The following MYZAP variants were observed in gnomAD, a reference collection of about 807,000 sequenced individuals.
MYZAP encodes GRINL1A complex locus upstream.
MYZAP carries 66 observed loss-of-function variants against 69.4 expected under a neutral mutation model. That is an observed-to-expected ratio of 0.95 (90% CI 0.78 to 1.17). The LOEUF (loss-of-function observed/expected upper bound fraction) is 1.17, where lower values mean the gene tolerates loss of function less well. MYZAP is among the 50% of genes most tolerant of loss of function. The probability of loss-of-function intolerance (pLI) is 0.00; values close to 1 mark genes in which losing one functional copy is unlikely to be tolerated. For missense variants in MYZAP, 611 were observed against 556.2 expected, an observed-to-expected ratio of 1.10 and a Z score of -0.99; for synonymous variants, 256 against 205.9, an observed-to-expected ratio of 1.24 and a Z score of -2.09.
intron 8 of MYZAP, among the ~76,000 whole-genome samples, chr15:57,636,542 A>G (rs1051852558): frequency 6.6e-6 from 1 of 152,226 alleles, no homozygotes; most frequent in African/African-American, 2.4e-5. Flanking sequence ...ATTTCCGAAC[A>G]TAAAGATGAG....
chr15:57,621,749 A>C (rs771287981), intron 4 of MYZAP, 49 bp downstream of exon 4: 5 of 1,590,048 alleles, frequency 3.1e-6, no homozygotes, highest in Non-Finnish European at 4.3e-6. Flanking sequence ...TGGCAGGCTC[A>C]GAGTGGTCCC....
chr15:57,649,823 C>T (rs2037638252), intron 10 of MYZAP, among the ~76,000 whole-genome samples: 1 of 152,124 alleles, frequency 6.6e-6, no homozygotes, highest in African/African-American at 2.4e-5. Context: ...ACATCCATCC[C>T]CTCTATCCTC....
chr15:57,645,528 G>A (rs1227209196), intron 10 of MYZAP, among the ~76,000 whole-genome samples: 1 of 152,100 alleles, frequency 6.6e-6, no homozygotes, highest in African/African-American at 2.4e-5. Context: ...TATAAAATAG[G>A]GTTAATAATA....
intron 3 of MYZAP, among the ~76,000 whole-genome samples, chr15:57,621,296 C>T (rs149820170): frequency 0.015 from 2,195 of 149,726 alleles, 29 homozygotes; most frequent in South Asian, 0.044. Context: ...CTGCAAGCTC[C>T]GCCTGCCGGA....
chr15:57,612,671 C>A, intron 2 of MYZAP, among the ~76,000 whole-genome samples: 1 of 152,124 alleles, frequency 6.6e-6, no homozygotes, highest in Non-Finnish European at 1.5e-5. Context: ...CTTCAATGGC[C>A]AGTAAATCCC....
At chr15:57,646,070 G>A (rs1427217464) in intron 10 of MYZAP, 5 of 983,698 alleles carry the variant, frequency 5.1e-6, no homozygotes, top group Non-Finnish European at 7.0e-6. Flanking sequence ...TAGCCAAATG[G>A]GGGTAGGGGA....
chr15:57,619,270 G>C (rs182110859), intron 3 of MYZAP, among the ~76,000 whole-genome samples: 1 of 152,266 alleles, frequency 6.6e-6, no homozygotes, highest in Admixed American at 6.5e-5. Context: ...AGCAAAATTA[G>C]CACGCATATA....
At chr15:57,618,347 T>C (rs2035607185) in intron 3 of MYZAP, among the ~76,000 whole-genome samples, 159 bp downstream of exon 3, 1 of 152,216 alleles carries the variant, frequency 6.6e-6, no homozygotes, top group South Asian at 2.1e-4. Context: ...TTCATGGTAA[T>C]GTTAAAGTAC....
Position 57,661,523 on chromosome 15 carries a change from TAGA to T in MYZAP, c.1196_1198del (p.Glu399del), listed in dbSNP as rs750543144. On this transcript the variant is annotated inframe_deletion, in exon 11 of 13. Coordinates refer to ENST00000267853, the MANE Select transcript of MYZAP (RefSeq NM_001018100.5). ...CAGCTTTTAGAAAAGATATCTTTCT[TAGA>T]AGGAGAGGTAAGGATCTCTGTTTCT... is the stretch of plus-strand genomic sequence containing the variant. 1.9e-5 allele frequency: 31 copies of T among 1,609,830 alleles called. No individual in the cohort carries two copies. The highest frequency in any genetic ancestry group is 1.1e-4 in the South Asian group (10 of 89,978).
At chr15:57,678,223 G>A (rs1235764586) in intron 12 of MYZAP, among the ~76,000 whole-genome samples, 5 of 152,006 alleles carry the variant, frequency 3.3e-5, no homozygotes, top group African/African-American at 4.8e-5. Context: ...TTAGCCGGGT[G>A]TGGTGGTGTG....
intron 10 of MYZAP, chr15:57,646,480 G>T: frequency 1.9e-6 from 2 of 1,027,260 alleles, no homozygotes; most frequent in Non-Finnish European, 2.3e-6. Flanking sequence ...AGAAGGAACT[G>T]CAATGAAAAA....
chr15:57,599,429 G>A lies in MYZAP; in HGVS notation c.76-4840G>A, dbSNP rs551679933. 1.1e-5 allele frequency: 12 copies of A among 1,128,282 alleles called. No individual in the cohort carries two copies. In the African/African-American group the frequency reaches 1.8e-4, roughly 17 times the overall value. The allele number at this position is 1,128,282 out of a possible 1,614,324, so 69.9% of individuals were successfully genotyped here. A position where few individuals can be genotyped will look rare whatever the true frequency, so the allele number is the denominator to read the frequency against. ...CACAAGTAATAGGTGCTCAGTAACT[G>A]AGTAATAAAGTATGCTGAGTCCAGC... On this transcript the variant is annotated intron_variant, in intron 1 of 12. Coordinates refer to ENST00000267853, the MANE Select transcript of MYZAP (RefSeq NM_001018100.5).
intron 4 of MYZAP, among the ~76,000 whole-genome samples, chr15:57,622,113 A>G (rs12442987): frequency 0.084 from 12,768 of 152,252 alleles, 579 homozygotes; most frequent in Admixed American, 0.13. Flanking sequence ...GATGAAAGAA[A>G]AACTACTACA....
chr15:57,684,329 G>T (rs2039586751), intron 12 of MYZAP, 73 bp from the exon 13 acceptor site: 1 of 926,300 alleles, frequency 1.1e-6, no homozygotes, highest in Admixed American at 2.0e-5. Context: ...TTCTAGAGTT[G>T]TCTTACCATG....
chr15:57,670,612 C>G (rs1196715324), intron 11 of MYZAP, among the ~76,000 whole-genome samples: 1 of 151,928 alleles, frequency 6.6e-6, no homozygotes, highest in South Asian at 2.1e-4. Context: ...TTTAGAGCTA[C>G]CATTTCATTA....
chr15:57,675,386 C>G (rs2039067571), intron 12 of MYZAP, among the ~76,000 whole-genome samples: 1 of 152,080 alleles, frequency 6.6e-6, no homozygotes, highest in East Asian at 1.9e-4. Flanking sequence ...CTGTGCCAGA[C>G]AGTTATGACA....
intron 9 of MYZAP, among the ~76,000 whole-genome samples, chr15:57,638,445 G>T: frequency 6.6e-6 from 1 of 152,054 alleles, no homozygotes; most frequent in East Asian, 1.9e-4. Flanking sequence ...GAGAACTATT[G>T]GGCTTGCTGC....
intron 1 of MYZAP, among the ~76,000 whole-genome samples, chr15:57,603,944 A>G (rs180699989): frequency 1.3e-5 from 2 of 152,276 alleles, no homozygotes; most frequent in East Asian, 3.9e-4. Flanking sequence ...CTGTAACTAT[A>G]TTTTTGCCTA....
intron 10 of MYZAP, among the ~76,000 whole-genome samples, chr15:57,645,549 A>G (rs1229408097): frequency 6.6e-6 from 1 of 152,260 alleles, no homozygotes; most frequent in African/African-American, 2.4e-5. Flanking sequence ...GTATCTACCC[A>G]ATTTTTTGTA....
Sources: allele counts gnomAD v4.1 joint callset (sites outside exome capture counted in the v4.1 genomes callset), GRCh38; gene constraint gnomAD v4.1.1; transcripts MANE v1.5; gene names NCBI Gene and HGNC (gene_info 2026-07-23, HGNC 2026-07-21).